FAM200B: variants seen among roughly 807,000 people sequenced by gnomAD.
FAM200B encodes the protein protein FAM200B.
A neutral mutation model predicts 33.1 loss-of-function variants in FAM200B; 32 were observed. That is an observed-to-expected ratio of 0.97 (90% CI 0.73 to 1.30). The LOEUF (loss-of-function observed/expected upper bound fraction) is 1.30. Among genes scored for constraint, FAM200B ranks in the 50% most tolerant of loss-of-function variants. The pLI is 0.00. For missense variants in FAM200B, 741 were observed against 754.0 expected, an observed-to-expected ratio of 0.98 and a Z score of 0.20; for synonymous variants, 240 against 264.8, an observed-to-expected ratio of 0.91 and a Z score of 0.91.
chr4:15,660,613 A>G, the FAM200B span, among the ~76,000 whole-genome samples: 1 of 152,344 alleles, frequency 6.6e-6, no homozygotes, highest in East Asian at 1.9e-4. Context: ...TCACTTGGCC[A>G]TTCTGGAGCC....
chr4:15,642,714 A>G, the FAM200B span, among the ~76,000 whole-genome samples: 1 of 152,192 alleles, frequency 6.6e-6, no homozygotes, highest in Non-Finnish European at 1.5e-5. Flanking sequence ...TTATATGCTA[A>G]TAATAACTAT....
chr4:15,648,213 G>A, the FAM200B span, among the ~76,000 whole-genome samples: 4 of 152,056 alleles, frequency 2.6e-5, no homozygotes, highest in Non-Finnish European at 4.4e-5. Context: ...CCCTACCTAG[G>A]CATCTGTAAG....
Position 15,688,868 on chromosome 4 carries a change from T to C in FAM200B, c.1891T>C (p.Cys631Arg). 6.4e-7 allele frequency: 1 copy of C among 1,551,216 alleles called. No individual in the cohort carries two copies. The highest frequency in any genetic ancestry group is 8.7e-7 in the Non-Finnish European group (1 of 1,146,726). Residue 631 changes from cysteine (C) to arginine (R), a missense_variant, in exon 2 of 2, where the codon TGT becomes CGT. Physicochemically the swap from Cys to Arg is radical, Grantham distance 180. Coordinates refer to ENST00000422728, the MANE Select transcript of FAM200B (RefSeq NM_001145191.2). ...LKTKERNGLN[C>R]AAVMRVALSS... ...AACAAAGGAAAGAAATGGGCTGAAT[T>C]GTGCAGCAGTTATGCGGGTAGCATT...
the FAM200B span, among the ~76,000 whole-genome samples, chr4:15,666,902 A>G: frequency 6.6e-6 from 1 of 152,300 alleles, no homozygotes; most frequent in South Asian, 2.1e-4. Flanking sequence ...ATGGAGTGCT[A>G]AATGTGTTAA....
chr4:15,687,328 G>A lies in FAM200B; in HGVS notation c.351G>A (p.Lys117=), dbSNP rs1200054886. ...CTCAGCATGCTGAACTTATTGATAA[G>A]CCTCTTGAATATTTTCAAAGAAAGA... is the stretch of plus-strand genomic sequence containing the variant. ...LETQHAELID[K]PLEYFQRKKK... The change falls in exon 2 of 2, where the codon AAG becomes AAA. Residue 117 remains lysine, a synonymous_variant. Transcript: ENST00000422728. 5.2e-6 allele frequency: 8 copies of A among 1,545,702 alleles called. No individual in the cohort carries two copies. In the Middle Eastern group the frequency reaches 5.0e-4, roughly 97 times the overall value.
chr4:15,683,420 T>A (rs576306030), intron 1 of FAM200B, among the ~76,000 whole-genome samples: 3 of 152,258 alleles, frequency 2.0e-5, no homozygotes, highest in East Asian at 3.9e-4. Context: ...GTAAACCCTT[T>A]AAAAATATCT....
At chr4:15,638,218 T>C in the FAM200B span, among the ~76,000 whole-genome samples, 2 of 152,362 alleles carry the variant, frequency 1.3e-5, no homozygotes, top group Admixed American at 6.5e-5. Context: ...AGCAGGCCAG[T>C]GCTCTGTACT....
the FAM200B span, chr4:15,640,952 G>A: frequency 5.0e-6 from 4 of 804,090 alleles, no homozygotes; most frequent in South Asian, 2.1e-5. Flanking sequence ...GTCCCAGGAA[G>A]TTTAAAATGT....
In FAM200B at chr4:15,686,233, C is replaced by G. The variant is rs1014970558; in HGVS notation, c.-742-3C>G. Reference sequence around the variant, plus strand: ...AATGTCTTATCTCTGGTCTTATTCCCAGGTCAAGGATGCATTCCAGGAAAG... The same window carrying G: ...AATGTCTTATCTCTGGTCTTATTCCGAGGTCAAGGATGCATTCCAGGAAAG... On this transcript the variant is annotated splice_polypyrimidine_tract_variant and splice_region_variant and intron_variant, in intron 1 of 1. Coordinates refer to ENST00000422728, the MANE Select transcript of FAM200B (RefSeq NM_001145191.2). 6.6e-6 allele frequency: 1 copy of G among 152,148 alleles called. No individual in the cohort carries two copies. Among genetic ancestry groups the G allele is most frequent in the Admixed American group, 6.6e-5 (1 of 15,266 alleles). The allele number at this position is 152,148 out of a possible 1,614,324, so 9.4% of individuals were successfully genotyped here. A position where few individuals can be genotyped will look rare whatever the true frequency, so the allele number is the denominator to read the frequency against.
the FAM200B span, among the ~76,000 whole-genome samples, chr4:15,650,050 G>T: frequency 6.6e-6 from 1 of 152,154 alleles, no homozygotes; most frequent in African/African-American, 2.4e-5. Context: ...CACCAAGGCA[G>T]TAATTTTGCC....
chr4:15,687,744 AT>A lies in FAM200B; in HGVS notation c.773del (p.Leu258CysfsTer4). On this transcript the variant is annotated frameshift_variant, in exon 2 of 2. Transcript: ENST00000422728. LOFTEE classifies it high-confidence loss of function. ...GCGTGGCAAGATGATTTTTTGGAGGATTTTTTGTGTTTTTTAAATTTAACCT... is the reference window on the plus strand; with the variant it reads ...GCGTGGCAAGATGATTTTTTGGAGGATTTTTGTGTTTTTTAAATTTAACCT... ...RYAWQDDFLEDFLCFLNLTSH... is the reference protein window; with the variant it reads ...RYAWQDDFLEXFLCFLNLTSH... 6.5e-7 allele frequency: 1 copy of A among 1,550,166 alleles called. No individual in the cohort carries two copies. Among genetic ancestry groups the A allele is most frequent in the Non-Finnish European group, 8.7e-7 (1 of 1,146,288 alleles).
chr4:15,688,067 C>T lies in FAM200B; in HGVS notation c.1090C>T (p.Arg364Trp), dbSNP rs530829284. Residue 364 changes from arginine to tryptophan, a missense_variant, in exon 2 of 2, where the codon CGG (arginine) becomes TGG (tryptophan). Coordinates refer to ENST00000422728, the MANE Select transcript of FAM200B (RefSeq NM_001145191.2). ...TATTAAAGGAAGCTCATTGAATAGC[C>T]GGCTTCTTGAAACATTTTGTTCAGA... is the stretch of plus-strand genomic sequence containing the variant. ...NFIKGSSLNS[R>W]LLETFCSEIG... is the part of the protein sequence containing the mutation. 26 of 1,551,048 alleles carry T rather than the reference C, an allele frequency of 1.7e-5. No individual in the cohort carries two copies. Among genetic ancestry groups the T allele is most frequent in the South Asian group, 2.4e-5 (2 of 84,004 alleles).
the FAM200B span, among the ~76,000 whole-genome samples, chr4:15,674,530 CATA>C: frequency 6.6e-6 from 1 of 152,068 alleles, no homozygotes; most frequent in African/African-American, 2.4e-5. Context: ...TATATGTAAT[CATA>C]ACTTTTTTCC....
chr4:15,688,531 T>A lies in FAM200B; in HGVS notation c.1554T>A (p.Thr518=). ...TGCATCTCACTTCTCTGTCTCAAAC[T>A]TTTAACCATTTCTTTCCAGAAGAAA... is the stretch of plus-strand genomic sequence containing the variant. ...ILLHLTSLSQ[T]FNHFFPEEKF... is the part of the protein sequence containing the mutation. The change falls in exon 2 of 2, where the codon ACT becomes ACA. Residue 518 remains threonine (T), a synonymous_variant. Transcript: ENST00000422728. 1 of 1,548,746 alleles carries A rather than the reference T, an allele frequency of 6.5e-7. No homozygotes were observed. The highest frequency in any genetic ancestry group is 8.7e-7 in the Non-Finnish European group (1 of 1,144,824).
the FAM200B span, chr4:15,656,295 G>T: frequency 2.2e-6 from 1 of 456,102 alleles, no homozygotes; most frequent in Non-Finnish European, 4.4e-6. Context: ...TGGAGACTCT[G>T]TTCTCTGCTC....
intron 1 of FAM200B, among the ~76,000 whole-genome samples, chr4:15,685,714 C>T (rs920760599): frequency 3.9e-5 from 6 of 152,000 alleles, no homozygotes; most frequent in Admixed American, 1.3e-4. Flanking sequence ...ACAGTATTAA[C>T]ACAGTTAAGA....
chr4:15,688,931 A>G lies in FAM200B; in HGVS notation c.1954A>G (p.Arg652Gly). 3.3e-6 allele frequency: 5 copies of G among 1,504,888 alleles called. No individual in the cohort carries two copies. The highest frequency in any genetic ancestry group is 4.5e-6 in the Non-Finnish European group (5 of 1,120,606). 93.2% of individuals were successfully genotyped at this position (1,504,888 alleles called of 1,614,324 possible). A position where few individuals can be genotyped will look rare whatever the true frequency, so the allele number is the denominator to read the frequency against. Residue 652 changes from arginine to glycine, a missense_variant, in exon 2 of 2, where the codon AGG becomes GGG. Transcript: ENST00000422728. ...CVPDWNELMN[R>G]QAHPS is the part of the protein sequence containing the mutation. ...TCCAGACTGGAATGAACTTATGAAC[A>G]GGCAAGCACACCCATCATAGTAAAT...
chr4:15,659,754 T>C, the FAM200B span: 4 of 984,520 alleles, frequency 4.1e-6, no homozygotes, highest in Admixed American at 1.8e-4. Context: ...TTAGTAAATA[T>C]TGCCAAGTGA....
the FAM200B span, among the ~76,000 whole-genome samples, chr4:15,660,902 C>T: frequency 2.0e-5 from 3 of 152,032 alleles, no homozygotes; most frequent in Non-Finnish European, 4.4e-5. Context: ...CATGGCGAAA[C>T]TCCATCTCTA....
Sources: gnomAD v4.1 joint callset for allele counts (sites outside exome capture counted in the v4.1 genomes callset) on GRCh38, gnomAD v4.1.1 for gene constraint, MANE v1.5 for transcripts, NCBI Gene and HGNC (gene_info 2026-07-23, HGNC 2026-07-21) for gene names.